The following CDH13 variants were observed in gnomAD, a reference collection of about 807,000 sequenced individuals.
CDH13 encodes the protein cadherin-13.
CDH13 carries 24 observed loss-of-function variants against 63.8 expected under a neutral mutation model. The ratio of observed to expected loss-of-function variants is 0.38; its 90% CI spans 0.27 to 0.53. The LOEUF is 0.53. CDH13 is among the 20% of genes least tolerant of loss of function. The pLI, the probability that CDH13 is intolerant of heterozygous loss-of-function variation, is 0.85. For synonymous variants in CDH13, 503 were observed against 355.3 expected (o/e 1.42, Z -4.67); for missense variants, 1,049 against 903.1 (o/e 1.16, Z -2.07).
At chr16:82,938,556 G>A (rs1463348913) in intron 2 of CDH13, among the ~76,000 whole-genome samples, 2 of 152,166 alleles carry the variant, frequency 1.3e-5, no homozygotes, top group South Asian at 2.1e-4. Flanking sequence ...CTTCTGAGAG[G>A]CCACCGTTGT....
chr16:83,522,553 A>G (rs530781823), intron 7 of CDH13, among the ~76,000 whole-genome samples: 189 of 152,320 alleles, frequency 1.2e-3, no homozygotes, highest in African/African-American at 3.8e-3. Flanking sequence ...CAGGAAAACA[A>G]AAATGGTCTG....
intron 6 of CDH13, among the ~76,000 whole-genome samples, chr16:83,420,195 C>G (rs1440573937): frequency 6.6e-6 from 1 of 152,116 alleles, no homozygotes; most frequent in African/African-American, 2.4e-5. Flanking sequence ...TCTCAAGGAA[C>G]TAAATCGAGC....
chr16:83,227,471 G>C (rs764165389), intron 5 of CDH13, among the ~76,000 whole-genome samples: 5 of 152,158 alleles, frequency 3.3e-5, no homozygotes, highest in Non-Finnish European at 7.3e-5. Flanking sequence ...CAGGTTGGAA[G>C]CTGGTGGTGC....
intron 3 of CDH13, among the ~76,000 whole-genome samples, chr16:83,063,230 G>A (rs1156629461): frequency 6.6e-6 from 1 of 152,096 alleles, no homozygotes; most frequent in Non-Finnish European, 1.5e-5. Flanking sequence ...CCAAAGTGCT[G>A]GAATTACAGG....
At chr16:83,245,863 C>T (rs1421358726) in intron 5 of CDH13, among the ~76,000 whole-genome samples, 1 of 152,144 alleles carries the variant, frequency 6.6e-6, no homozygotes, top group African/African-American at 2.4e-5. Flanking sequence ...CCACCTCAGT[C>T]TTCTGAGTAG....
chr16:83,482,222 C>G (rs1280359086), intron 6 of CDH13, among the ~76,000 whole-genome samples: 2 of 152,138 alleles, frequency 1.3e-5, no homozygotes, highest in Admixed American at 6.5e-5. Flanking sequence ...CCAATTCAAC[C>G]CAAAGAACAC....
At chr16:82,907,039 C>G (rs1284503139) in intron 2 of CDH13, among the ~76,000 whole-genome samples, 2 of 152,094 alleles carry the variant, frequency 1.3e-5, no homozygotes, top group Non-Finnish European at 2.9e-5. Context: ...ATCATTTAAC[C>G]CAGAGCAACT....
chr16:83,668,000 G>A (rs1469583126), intron 8 of CDH13, among the ~76,000 whole-genome samples: 1 of 152,136 alleles, frequency 6.6e-6, no homozygotes, highest in Non-Finnish European at 1.5e-5. Context: ...ACTCTATTAT[G>A]ATAGGAGGGG....
At chr16:82,805,603 G>A (rs1279311630) in intron 1 of CDH13, among the ~76,000 whole-genome samples, 1 of 152,136 alleles carries the variant, frequency 6.6e-6, no homozygotes, top group Non-Finnish European at 1.5e-5. Flanking sequence ...TGACAAGCAG[G>A]AATGTCATTC....
At chr16:83,585,347 G>A (rs1015572745) in intron 7 of CDH13, among the ~76,000 whole-genome samples, 2 of 152,184 alleles carry the variant, frequency 1.3e-5, no homozygotes, top group African/African-American at 4.8e-5. Context: ...GGATGAGGAG[G>A]TTGGAGTCGT....
chr16:82,971,592 T>C (rs17744760), intron 2 of CDH13, among the ~76,000 whole-genome samples: 19,688 of 152,234 alleles, frequency 0.13, 1,403 homozygotes, highest in Middle Eastern at 0.16. Context: ...GTTGTTTCTA[T>C]AAGGTGTTCA....
intron 10 of CDH13, among the ~76,000 whole-genome samples, chr16:83,678,949 A>G (rs1414187862): frequency 1.3e-5 from 2 of 152,206 alleles, no homozygotes; most frequent in African/African-American, 4.8e-5. Context: ...GGATGGAAAC[A>G]GGACACTCTG....
intron 2 of CDH13, among the ~76,000 whole-genome samples, chr16:82,927,787 C>A (rs1184302609): frequency 6.6e-6 from 1 of 152,182 alleles, no homozygotes; most frequent in Non-Finnish European, 1.5e-5. Context: ...AGGCACCCTG[C>A]CTAACACACA....
intron 10 of CDH13, among the ~76,000 whole-genome samples, chr16:83,740,635 A>G (rs1321448801): frequency 6.6e-6 from 1 of 152,206 alleles, no homozygotes; most frequent in Non-Finnish European, 1.5e-5. Flanking sequence ...CTAGAGCCTC[A>G]TGCAGATGTC....
At chr16:83,120,759 C>CTTTTTT (rs1476338366) in intron 3 of CDH13, among the ~76,000 whole-genome samples, 19 of 45,958 alleles carry the variant, frequency 4.1e-4, no homozygotes, top group African/African-American at 2.2e-3. Flanking sequence ...CTCTAATTTT[C>CTTTTTT]TTTCTTTTTT....
At chr16:83,292,249 C>G (rs936121528) in intron 5 of CDH13, among the ~76,000 whole-genome samples, 2 of 152,184 alleles carry the variant, frequency 1.3e-5, no homozygotes, top group Non-Finnish European at 2.9e-5. Context: ...GTGGTACTTT[C>G]TCCTTTGCAC....
intron 6 of CDH13, among the ~76,000 whole-genome samples, chr16:83,387,970 T>A (rs2091707608): frequency 6.6e-6 from 1 of 152,222 alleles, no homozygotes; most frequent in Non-Finnish European, 1.5e-5. Flanking sequence ...TTGGCAAGAA[T>A]TACCTTTGGT....
intron 7 of CDH13, among the ~76,000 whole-genome samples, chr16:83,557,907 G>A (rs997137250): frequency 6.6e-6 from 1 of 152,124 alleles, no homozygotes; most frequent in Non-Finnish European, 1.5e-5. Context: ...ATATAAAAGA[G>A]AGACTGCTAA....
chr16:82,854,162 G>A (rs1443573723), intron 1 of CDH13, among the ~76,000 whole-genome samples: 2 of 152,100 alleles, frequency 1.3e-5, no homozygotes, highest in African/African-American at 4.8e-5. Context: ...AACTTTGGGA[G>A]GCCGAGGCAG....
Sources: allele counts gnomAD v4.1 joint callset (sites outside exome capture counted in the v4.1 genomes callset), GRCh38; gene constraint gnomAD v4.1.1; transcripts MANE v1.5; gene names NCBI Gene and HGNC (gene_info 2026-07-23, HGNC 2026-07-21).